The following KLC2 variants were observed in gnomAD, a reference collection of about 807,000 sequenced individuals.
The protein encoded by KLC2 is kinesin light chain 2, also known as KLC 2.
KLC2 carries 35 observed loss-of-function variants against 75.1 expected under a neutral mutation model. The ratio of observed to expected loss-of-function variants is 0.47; its 90% CI spans 0.36 to 0.62. The LOEUF (loss-of-function observed/expected upper bound fraction) is 0.62, where lower values mean the gene tolerates loss of function less well. Ranked by LOEUF, KLC2 falls within the 20% of genes least tolerant of loss-of-function variation. The pLI, the probability that KLC2 is intolerant of heterozygous loss-of-function variation, is 0.00. For missense variants in KLC2, 611 were observed against 833.2 expected (o/e 0.73, Z 3.28); for synonymous variants, 314 against 336.7 (o/e 0.93, Z 0.74).
intron 1 of KLC2, 32 bp from the exon 2 acceptor site, chr11:66,258,552 G>A: frequency 6.6e-7 from 1 of 1,507,988 alleles, no homozygotes; most frequent in Non-Finnish European, 9.2e-7. Flanking sequence ...CCCAGGCCCG[G>A]CGCCCGCCTG....
At chr11:66,245,789 C>T in the KLC2 span, among the ~76,000 whole-genome samples, 5 of 151,690 alleles carry the variant, frequency 3.3e-5, no homozygotes, top group African/African-American at 4.8e-5. Context: ...GGCTGAGGCA[C>T]GAGAATCACT....
upstream of KLC2, among the ~76,000 whole-genome samples, chr11:66,252,443 T>A (rs909047141): frequency 2.4e-5 from 2 of 83,402 alleles, no homozygotes. Flanking sequence ...TTTTGTATTT[T>A]TAGTAGAGAC....
upstream of KLC2, among the ~76,000 whole-genome samples, chr11:66,255,099 A>G (rs768378428): frequency 1.3e-4 from 20 of 152,224 alleles, no homozygotes; most frequent in Non-Finnish European, 2.2e-4. Flanking sequence ...TGAACAGAAC[A>G]TGCTGGGCAG....
intron 9 of KLC2, chr11:66,264,812 G>C (rs574968999): frequency 1.7e-6 from 1 of 596,750 alleles, no homozygotes; most frequent in East Asian, 2.8e-5. Context: ...TTCAGGCCTA[G>C]CACATGTCTT....
At position 66,266,078 on chromosome 11, in the gene KLC2, C is replaced by A; in HGVS notation, c.1603-15C>A. 6.2e-7 allele frequency: 1 copy of A among 1,614,058 alleles called. No homozygotes were observed. The highest frequency in any genetic ancestry group is 8.5e-7 in the Non-Finnish European group (1 of 1,179,932). On this transcript the variant is annotated splice_polypyrimidine_tract_variant and intron_variant, in intron 13 of 15. Coordinates refer to ENST00000394067, the MANE Select transcript of KLC2 (RefSeq NM_001318734.2). The stretch of plus-strand genomic sequence containing the variant: ...GTGGCCAGCGGGGCCTAGAGGCAAG[C>A]CTGTCCACCTGCAGGATGGCAGTGG...
In KLC2 at chr11:66,265,835, G is replaced by A; in HGVS notation, c.1444-19G>A. 6.3e-7 allele frequency: 1 copy of A among 1,580,356 alleles called. No individual in the cohort carries two copies. Among genetic ancestry groups the A allele is most frequent in the Non-Finnish European group, 8.6e-7 (1 of 1,158,606 alleles). On this transcript the variant is annotated intron_variant, in intron 12 of 15. Coordinates refer to ENST00000394067, the MANE Select transcript of KLC2 (RefSeq NM_001318734.2). ...GGGTGTGGTCCATTCACTGCCTGAT[G>A]CCCCTGCCCCTCCCTCAGGGTTTGG...
chr11:66,262,822 C>A lies in KLC2; in HGVS notation c.538C>A (p.Pro180Thr), dbSNP rs758544496. ...TGCCCTTGGCCCTGCAGCCCCTAGC[C>A]CAGGAGGAGGGGATGTGTCTGGTCA... ...NEDEQSPAPS[P>T]GGGDVSGQHG... Residue 180 changes from proline to threonine, a missense_variant, in exon 5 of 16, where the codon CCA becomes ACA. Physicochemically the swap from Pro to Thr is conservative, Grantham distance 38. Coordinates refer to ENST00000394067, the MANE Select transcript of KLC2 (RefSeq NM_001318734.2). 3 of 1,610,872 alleles carry A rather than the reference C, an allele frequency of 1.9e-6. No homozygotes were observed. The highest frequency in any genetic ancestry group is 1.3e-5 in the African/African-American group (1 of 74,830).
chr11:66,262,580 C>G (rs1223956636), intron 4 of KLC2: 1 of 584,266 alleles, frequency 1.7e-6, no homozygotes, highest in Non-Finnish European at 3.1e-6. Context: ...GGGACACAGG[C>G]TCAGAGGTTA....
At chr11:66,266,628 G>T (rs780498314) in intron 15 of KLC2, 138 bp downstream of exon 15, 13 of 1,002,408 alleles carry the variant, frequency 1.3e-5, no homozygotes. Context: ...GCTGGACAAC[G>T]GGGAGACACG....
At chr11:66,249,197 G>A in the KLC2 span, among the ~76,000 whole-genome samples, 1 of 152,226 alleles carries the variant, frequency 6.6e-6, no homozygotes, top group African/African-American at 2.4e-5. Context: ...GTTATAGGTT[G>A]TGGGGAGGAA....
Position 66,265,706 on chromosome 11 carries a change from GGGCAA to G in KLC2, c.1388_1392del (p.Gly463AlafsTer14). 6.2e-7 allele frequency: 1 copy of G among 1,613,952 alleles called. No individual in the cohort carries two copies. The highest frequency in any genetic ancestry group is 8.5e-7 in the Non-Finnish European group (1 of 1,179,976). ...GCTTGGGGGCCCTATACCGGCGCCA[GGGCAA>G]GCTGGAAGCCGCGCACACACTAGAG... is the stretch of plus-strand genomic sequence containing the variant. On this transcript the variant is annotated frameshift_variant, in exon 12 of 16. Coordinates refer to ENST00000394067, the MANE Select transcript of KLC2 (RefSeq NM_001318734.2). LOFTEE classifies it high-confidence loss of function.
intron 5 of KLC2, 46 bp downstream of exon 5, chr11:66,263,082 C>A: frequency 1.4e-6 from 2 of 1,414,962 alleles, no homozygotes; most frequent in Non-Finnish European, 2.0e-6. Context: ...AAGGCTCCAG[C>A]CCTGGATCAC....
chr11:66,266,752 G>A, intron 15 of KLC2, 121 bp from the exon 16 acceptor site: 1 of 1,051,870 alleles, frequency 9.5e-7, no homozygotes. Flanking sequence ...GGTCAGAACT[G>A]CCATTGCCTC....
upstream of KLC2, among the ~76,000 whole-genome samples, chr11:66,256,374 G>A (rs932157122): frequency 6.6e-6 from 1 of 152,174 alleles, no homozygotes; most frequent in Non-Finnish European, 1.5e-5. Flanking sequence ...TGGATCACCT[G>A]AGGTCAGGAA....
At chr11:66,247,879 AAAAGACACC>A in the KLC2 span, among the ~76,000 whole-genome samples, 1 of 152,194 alleles carries the variant, frequency 6.6e-6, no homozygotes, top group Admixed American at 6.5e-5. Flanking sequence ...GCCTTAGCCC[AAAAGACACC>A]TGGGTTTTCT....
Position 66,267,291 on chromosome 11 carries a change from T to A in KLC2, c.*335T>A. On this transcript the variant is annotated 3_prime_UTR_variant, in exon 16 of 16. Coordinates refer to ENST00000394067, the MANE Select transcript of KLC2 (RefSeq NM_001318734.2). The stretch of plus-strand genomic sequence containing the variant: ...AGAACACTAAGCACTCGCCGGCCCT[T>A]CGGCACCCTCGCCCTCCCTCCCGAC... 1 of 1,024,532 alleles carries A rather than the reference T, an allele frequency of 9.8e-7. No homozygotes were observed. The highest frequency in any genetic ancestry group is 1.5e-6 in the Non-Finnish European group (1 of 666,222). The allele number at this position is 1,024,532 out of a possible 1,614,324, so 63.5% of individuals were successfully genotyped here.
rs1219499808 is a variant in KLC2 at position 66,265,152 on chromosome 11, C to G, written c.1267-16C>G. ...GGGGGCCTGCTCTCACTTCTTGTGACCATTCTTTCCTCCAGGATAAGCGCC... is the reference window on the plus strand; with the variant it reads ...GGGGGCCTGCTCTCACTTCTTGTGAGCATTCTTTCCTCCAGGATAAGCGCC... On this transcript the variant is annotated splice_polypyrimidine_tract_variant and intron_variant, in intron 10 of 15. Coordinates refer to ENST00000394067, the MANE Select transcript of KLC2 (RefSeq NM_001318734.2). The G allele has an allele frequency of 1.1e-5, 18 of 1,612,928 alleles. No individual in the cohort carries two copies. The highest frequency in any genetic ancestry group is 1.5e-5 in the Non-Finnish European group (18 of 1,179,026).
intron 2 of KLC2, 28 bp from the exon 3 acceptor site, chr11:66,261,714 C>G (rs2134811976): frequency 1.1e-5 from 17 of 1,530,304 alleles, no homozygotes; most frequent in Non-Finnish European, 1.5e-5. Flanking sequence ...CGACAGGCCT[C>G]CGACCCTTAC....
At chr11:66,252,739 C>T (rs1381060192), upstream of KLC2, among the ~76,000 whole-genome samples, 1 of 152,118 alleles carries the variant, frequency 6.6e-6, no homozygotes, top group African/African-American at 2.4e-5. Flanking sequence ...GCCTGCGGTC[C>T]CTCCACTGAG....
Sources: allele counts gnomAD v4.1 joint callset (sites outside exome capture counted in the v4.1 genomes callset), GRCh38; gene constraint gnomAD v4.1.1; transcripts MANE v1.5; gene names NCBI Gene and HGNC (gene_info 2026-07-23, HGNC 2026-07-21).